Variants in STPG2 observed in about 807,000 individuals in gnomAD.
The protein encoded by STPG2 is sperm tail PG-rich repeat containing 2, also known as sperm-tail PG-rich repeat-containing protein 2.
A neutral mutation model predicts 54.2 loss-of-function variants in STPG2; 56 were observed. The observed-to-expected ratio is 1.03, with a 90% CI of 0.83 to 1.29. STPG2 has a LOEUF of 1.29. STPG2 is among the 50% of genes most tolerant of loss of function. The probability of loss-of-function intolerance (pLI) is 0.00; values close to 1 mark genes in which losing one functional copy is unlikely to be tolerated. For missense variants in STPG2, 596 were observed against 544.9 expected, an observed-to-expected ratio of 1.09 and a Z score of -0.93; for synonymous variants, 200 against 181.8, an observed-to-expected ratio of 1.10 and a Z score of -0.81.
intron 7 of STPG2, among the ~76,000 whole-genome samples, chr4:97,963,079 A>C (rs552631258): frequency 1.3e-5 from 2 of 152,256 alleles, no homozygotes; most frequent in South Asian, 4.1e-4. Context: ...GAAATGCTTG[A>C]ACCCGGGAGG....
chr4:98,107,269 T>C (rs905455537), intron 4 of STPG2, among the ~76,000 whole-genome samples: 3 of 152,006 alleles, frequency 2.0e-5, no homozygotes, highest in African/African-American at 7.2e-5. Context: ...CCTCCAAGAA[T>C]AATTCTGACT....
At chr4:97,829,399 A>G (rs1728368844) in intron 9 of STPG2, among the ~76,000 whole-genome samples, 2 of 152,190 alleles carry the variant, frequency 1.3e-5, no homozygotes, top group African/African-American at 2.4e-5. Context: ...AGGTAGATAA[A>G]TTCACAAAGA....
intron 8 of STPG2, among the ~76,000 whole-genome samples, chr4:97,885,792 C>T (rs945463800): frequency 6.6e-6 from 1 of 152,126 alleles, no homozygotes; most frequent in African/African-American, 2.4e-5. Context: ...GCCCTGGAAC[C>T]AATCCCCCAT....
Position 98,100,701 on chromosome 4 carries a change from A to G in STPG2, c.612+5252T>C, listed in dbSNP as rs541975078. Among the ~76,000 whole-genome samples the G allele has an allele frequency of 3.6e-3, 474 of 130,224 alleles. 2 individuals carry two copies. The highest frequency in any genetic ancestry group is 5.6e-3 in the Non-Finnish European group (357 of 63,872). 85.4% of individuals were successfully genotyped at this position (130,224 alleles called of 152,430 possible). A position where few individuals can be genotyped will look rare whatever the true frequency, so the allele number is the denominator to read the frequency against. On this transcript the variant is annotated intron_variant, in intron 5 of 10. Coordinates refer to ENST00000295268, the MANE Select transcript of STPG2 (RefSeq NM_174952.3). ...TTTTTTTTTTTTGTTTTTGAGACAG[A>G]GTCTTGCTCTGTCGCCCAGGCTGGA...
At chr4:97,624,279 C>T (rs909227852) in intron 10 of STPG2, among the ~76,000 whole-genome samples, 4 of 152,186 alleles carry the variant, frequency 2.6e-5, no homozygotes, top group African/African-American at 7.2e-5. Flanking sequence ...ATTCCTATTT[C>T]GCCATAGCCT....
intron 9 of STPG2, among the ~76,000 whole-genome samples, chr4:97,776,733 A>G (rs946553876): frequency 1.3e-5 from 2 of 152,206 alleles, no homozygotes; most frequent in Admixed American, 6.5e-5. Flanking sequence ...CACTAAAGCC[A>G]TTAATATCTA....
At chr4:98,130,790 C>T (rs6832537) in intron 2 of STPG2, among the ~76,000 whole-genome samples, 31,567 of 151,132 alleles carry the variant, frequency 0.21, 3,561 homozygotes, top group Middle Eastern at 0.28. Context: ...GGCATGGTGG[C>T]GGGTGCCTGT....
chr4:97,877,066 C>A (rs548542259), intron 8 of STPG2, among the ~76,000 whole-genome samples: 68 of 152,250 alleles, frequency 4.5e-4, no homozygotes, highest in African/African-American at 1.6e-3. Context: ...ACAAATCCAT[C>A]ACCTTAACAA....
At chr4:97,556,181 T>G (rs1732074270), downstream of STPG2, among the ~76,000 whole-genome samples, 1 of 152,154 alleles carries the variant, frequency 6.6e-6, no homozygotes, top group South Asian at 2.1e-4. Context: ...ATAAAGAGCC[T>G]TTGTTGCATA....
At chr4:97,467,931 T>C (rs1009706302) in intron 4 of STPG2, among the ~76,000 whole-genome samples, 1 of 151,376 alleles carries the variant, frequency 6.6e-6, no homozygotes, top group Non-Finnish European at 1.5e-5. Flanking sequence ...TGTGGCATAC[T>C]ACATAGACTG....
chr4:97,455,928 TGA>T (rs1329722051), intron 4 of STPG2, among the ~76,000 whole-genome samples: 5 of 152,148 alleles, frequency 3.3e-5, no homozygotes, highest in African/African-American at 1.2e-4. Context: ...ACTGAAGAAG[TGA>T]GCCACTCCTG....
At chr4:97,715,392 G>A (rs545055849) in intron 9 of STPG2, among the ~76,000 whole-genome samples, 23 of 152,214 alleles carry the variant, frequency 1.5e-4, no homozygotes, top group African/African-American at 5.1e-4. Context: ...TCAAGAGTAG[G>A]TGATTCTTAT....
chr4:97,874,900 A>G (rs1310974963), intron 8 of STPG2, among the ~76,000 whole-genome samples: 1 of 151,916 alleles, frequency 6.6e-6, no homozygotes, highest in East Asian at 1.9e-4. Flanking sequence ...ATACAGCAAG[A>G]AAACTCCTTG....
chr4:97,939,177 G>A (rs762094267), intron 8 of STPG2, among the ~76,000 whole-genome samples: 29 of 152,036 alleles, frequency 1.9e-4, no homozygotes, highest in African/African-American at 5.8e-4. Context: ...CCAAGGATGC[G>A]TTTGGTATGA....
chr4:97,480,646 A>T (rs966944769), intron 4 of STPG2, among the ~76,000 whole-genome samples: 8 of 151,448 alleles, frequency 5.3e-5, no homozygotes, highest in Non-Finnish European at 1.0e-4. Context: ...TAGGTATGTA[A>T]TGTGGTTTTA....
rs374071358 is a variant in STPG2 at position 97,799,489 on chromosome 4, T to G, written c.1204+41284A>C. Among the ~76,000 whole-genome samples, 16 of 152,316 alleles carry G rather than the reference T, an allele frequency of 1.1e-4. No homozygotes were observed. The East Asian group carries it at 2.7e-3, about 26-fold the overall frequency. ...AATTTTGGGTTGAAAATTCTTTTCT[T>G]AAAGGATGTTGAATATTGGCCCCCA... On this transcript the variant is annotated intron_variant, in intron 9 of 10. Coordinates refer to ENST00000295268, the MANE Select transcript of STPG2 (RefSeq NM_174952.3).
intron 4 of STPG2, among the ~76,000 whole-genome samples, chr4:97,539,178 A>G (rs983323704): frequency 3.9e-5 from 6 of 152,242 alleles, no homozygotes; most frequent in African/African-American, 1.4e-4. Flanking sequence ...ACAGGATCAA[A>G]TTCACACATA....
rs564948289 is a variant in STPG2, at chr4:97,680,069, C to T, written c.1320+32630G>A. Among the ~76,000 whole-genome samples the T allele has an allele frequency of 6.6e-5, 10 of 151,090 alleles. No individual in the cohort carries two copies. The South Asian group carries it at 1.7e-3, about 25-fold the overall frequency. ...TTGAAATCAGGTAGTGTGATGCCTC[C>T]AGCTTTGTTCTTTTGGCTTAGGATT... On this transcript the variant is annotated intron_variant, in intron 10 of 10. Coordinates refer to ENST00000295268, the MANE Select transcript of STPG2 (RefSeq NM_174952.3).
At chr4:97,599,178 G>T (rs902092309) in intron 10 of STPG2, among the ~76,000 whole-genome samples, 8 of 152,168 alleles carry the variant, frequency 5.3e-5, no homozygotes, top group African/African-American at 7.2e-5. Flanking sequence ...GATCGTTAGA[G>T]AAATGCAAGT....
Sources: gnomAD v4.1 joint callset for allele counts (sites outside exome capture counted in the v4.1 genomes callset) on GRCh38, gnomAD v4.1.1 for gene constraint, MANE v1.5 for transcripts, NCBI Gene and HGNC (gene_info 2026-07-23, HGNC 2026-07-21) for gene names.